The following BPIFB4 variants were observed in gnomAD, a reference collection of about 807,000 sequenced individuals.
BPIFB4 encodes BPI fold containing family B member 4.
BPIFB4 carries 62 observed loss-of-function variants against 69.2 expected under a neutral mutation model. That is an observed-to-expected ratio of 0.90 (90% confidence interval 0.73 to 1.11). The LOEUF is 1.11. Ranked by LOEUF, BPIFB4 falls within the 50% of genes least tolerant of loss-of-function variation. The pLI is 0.00. For missense variants in BPIFB4, 789 were observed against 792.0 expected, an observed-to-expected ratio of 1.00 and a Z score of 0.04; for synonymous variants, 330 against 332.7, an observed-to-expected ratio of 0.99 and a Z score of 0.09.
intron 11 of BPIFB4, among the ~76,000 whole-genome samples, 175 bp from the exon 12 acceptor site, chr20:33,094,925 C>T (rs1038923954): frequency 1.3e-5 from 2 of 152,122 alleles, no homozygotes; most frequent in Non-Finnish European, 2.9e-5. Flanking sequence ...CGGTGATCTG[C>T]GTATGGTGAT....
chr20:33,110,336 T>C (rs1982199287), intron 17 of BPIFB4, among the ~76,000 whole-genome samples: 1 of 152,222 alleles, frequency 6.6e-6, no homozygotes, highest in South Asian at 2.1e-4. Flanking sequence ...TTTTGTGGTT[T>C]TGGCAAGAAC....
intron 17 of BPIFB4, among the ~76,000 whole-genome samples, chr20:33,109,135 C>A (rs1256924904): frequency 6.6e-6 from 1 of 152,164 alleles, no homozygotes; most frequent in African/African-American, 2.4e-5. Context: ...CTGCTTTGAG[C>A]CTCAGTTTTC....
chr20:33,095,086 T>C lies in BPIFB4; in HGVS notation c.1345-14T>C. 6.2e-7 allele frequency: 1 copy of C among 1,607,796 alleles called. No homozygotes were observed. Reference sequence around the variant, plus strand: ...GCCTCCAGGATTCACGTGGCCCTTCTTCTTGTCCTATAGTTTGAAGAGCTT... The same window carrying C: ...GCCTCCAGGATTCACGTGGCCCTTCCTCTTGTCCTATAGTTTGAAGAGCTT... On this transcript the variant is annotated splice_polypyrimidine_tract_variant and intron_variant, in intron 11 of 17. Coordinates refer to ENST00000375483, the MANE Select transcript of BPIFB4 (RefSeq NM_182519.3).
intron 17 of BPIFB4, among the ~76,000 whole-genome samples, chr20:33,109,070 CTGGGACAGTCCCCTGCCT>C (rs1385579745): frequency 6.6e-6 from 1 of 152,138 alleles, no homozygotes; most frequent in East Asian, 1.9e-4. Flanking sequence ...GATGCTGGCT[CTGGGACAGTCCCCTGCCT>C]TGGCCCAGTC....
chr20:33,105,483 T>C (rs561642397), intron 16 of BPIFB4, among the ~76,000 whole-genome samples: 9 of 152,306 alleles, frequency 5.9e-5, no homozygotes, highest in Admixed American at 5.2e-4. Flanking sequence ...TAGACTGAGC[T>C]TGCTTTGCTC....
At chr20:33,091,239 G>A (rs1351096955) in intron 10 of BPIFB4, among the ~76,000 whole-genome samples, 1 of 152,104 alleles carries the variant, frequency 6.6e-6, no homozygotes, top group Admixed American at 6.5e-5. Context: ...AGGTATGCTG[G>A]TAAGCATTTA....
chr20:33,103,655 A>G (rs1456433250), intron 15 of BPIFB4, among the ~76,000 whole-genome samples: 2 of 150,404 alleles, frequency 1.3e-5, no homozygotes, highest in East Asian at 4.0e-4. Context: ...ATAAATTGAC[A>G]ACTAAGCATC....
In BPIFB4 at chr20:33,086,119, G is replaced by A. The variant is rs535736291; in HGVS notation, c.881G>A (p.Arg294Gln). ...GGTTATCCTCGGCTGGTCATTGAGC[G>A]ATGTGACACCCTCCTAGGGGGCATC... ...RTGYPRLVIE[R>Q]CDTLLGGIKV... Residue 294 changes from arginine (R) to glutamine (Q), a missense_variant, in exon 7 of 18, where the codon CGA becomes CAA. By Grantham distance (43) the Arg-to-Gln change is conservative. This residue lies in a region of BPIFB4 where 611 missense variants were observed against 575.4 expected (regional missense o/e 1.06). Transcript: ENST00000375483. 1.5e-5 allele frequency: 25 copies of A among 1,613,318 alleles called. No individual in the cohort carries two copies. The highest frequency in any genetic ancestry group is 4.5e-5 in the East Asian group (2 of 44,844).
At chr20:33,100,042 G>A (rs1416561506) in intron 13 of BPIFB4, among the ~76,000 whole-genome samples, 2 of 151,960 alleles carry the variant, frequency 1.3e-5, no homozygotes, top group Non-Finnish European at 2.9e-5. Context: ...CATAGGCTAC[G>A]AGCCACTCCC....
At chr20:33,090,024 C>T (rs748864504) in intron 9 of BPIFB4, among the ~76,000 whole-genome samples, 3 of 152,330 alleles carry the variant, frequency 2.0e-5, no homozygotes, top group Non-Finnish European at 4.4e-5. Context: ...ACCACCATCT[C>T]GGACCCTGAT....
rs1222905756 is a variant in BPIFB4 at position 33,111,342 on chromosome 20, A to G, written c.1822-72A>G. 1.3e-5 allele frequency: 21 copies of G among 1,584,252 alleles called. No homozygotes were observed. In the East Asian group the frequency reaches 4.7e-4, roughly 35 times the overall value. On this transcript the variant is annotated intron_variant, in intron 17 of 17. Coordinates refer to ENST00000375483, the MANE Select transcript of BPIFB4 (RefSeq NM_182519.3). ...TAGAAACATGACCGGCCAGATCCGT[A>G]GGCAGGTGAGTAGCAAGGCTCTAGC...
intron 17 of BPIFB4, among the ~76,000 whole-genome samples, 161 bp from the exon 18 acceptor site, chr20:33,111,253 C>T (rs1982229079): frequency 6.6e-6 from 1 of 152,176 alleles, no homozygotes; most frequent in South Asian, 2.1e-4. Context: ...AGATAATGAC[C>T]TGGCCAGGTG....
intron 11 of BPIFB4, 143 bp downstream of exon 11, chr20:33,092,801 G>A: frequency 1.3e-6 from 1 of 760,576 alleles, no homozygotes; most frequent in Non-Finnish European, 2.1e-6. Context: ...CAGCTCATGG[G>A]TGTGCGTCAA....
At position 33,111,517 on chromosome 20, in the gene BPIFB4, T is replaced by G; in HGVS notation, c.*80T>G. 2.6e-6 allele frequency: 4 copies of G among 1,559,346 alleles called. No individual in the cohort carries two copies. The highest frequency in any genetic ancestry group is 3.5e-6 in the Non-Finnish European group (4 of 1,135,278). On this transcript the variant is annotated 3_prime_UTR_variant, in exon 18 of 18. Coordinates refer to ENST00000375483, the MANE Select transcript of BPIFB4 (RefSeq NM_182519.3). ...GAGGCTCGGCCTGGAAACAGTCCCC[T>G]GCCCAGAGTCCCCTCAGCCTCCATG...
At chr20:33,101,246 C>A (rs1383373629) in intron 14 of BPIFB4, among the ~76,000 whole-genome samples, 1 of 152,138 alleles carries the variant, frequency 6.6e-6, no homozygotes, top group African/African-American at 2.4e-5. Flanking sequence ...GATTTACTTA[C>A]CCAGGGCCAC....
At chr20:33,086,264 G>A (rs1981427204) in intron 7 of BPIFB4, 100 bp downstream of exon 7, 3 of 1,446,334 alleles carry the variant, frequency 2.1e-6, no homozygotes, top group Admixed American at 1.8e-5. Context: ...GCTCTGGGGT[G>A]GGCAGGACGA....
chr20:33,092,386 T>A, intron 10 of BPIFB4, 72 bp from the exon 11 acceptor site: 1 of 1,403,582 alleles, frequency 7.1e-7, no homozygotes, highest in African/African-American at 1.4e-5. Flanking sequence ...ATTCAGGGCC[T>A]CACTCCAGCC....
At chr20:33,091,768 T>C (rs1981606467) in intron 10 of BPIFB4, among the ~76,000 whole-genome samples, 1 of 152,148 alleles carries the variant, frequency 6.6e-6, no homozygotes, top group Non-Finnish European at 1.5e-5. Flanking sequence ...GATTAGAATG[T>C]TTTGGAGGGG....
chr20:33,095,057 G>A (rs377041445), intron 11 of BPIFB4, 43 bp from the exon 12 acceptor site: 144 of 1,548,568 alleles, frequency 9.3e-5, no homozygotes, highest in Non-Finnish European at 1.2e-4. Context: ...TGTCTGTACC[G>A]ATAGCCTCCA....
Sources: gnomAD v4.1 joint callset for allele counts (sites outside exome capture counted in the v4.1 genomes callset) on GRCh38, gnomAD v4.1.1 for gene constraint, gnomAD v4.1.1 regional missense constraint, MANE v1.5 for transcripts, NCBI Gene and HGNC (gene_info 2026-07-23, HGNC 2026-07-21) for gene names.